The following YWHAE variants were observed in gnomAD, a reference collection of about 807,000 sequenced individuals.
YWHAE encodes tyrosine 3-monooxygenase/tryptophan 5-monooxygenase activation protein epsilon.
In YWHAE, 4 loss-of-function variants were observed where a neutral mutation model predicts 30.1. The observed-to-expected ratio is 0.13, with a 90% confidence interval of 0.07 to 0.30. The LOEUF is 0.30. Among genes scored for constraint, YWHAE ranks in the 10% least tolerant of loss-of-function variants. The pLI, the probability that YWHAE is intolerant of heterozygous loss-of-function variation, is 1.00. For missense variants in YWHAE, 121 were observed against 315.9 expected (o/e 0.38, Z 4.68); for synonymous variants, 118 against 111.8 (o/e 1.06, Z -0.35).
chr17:1,371,215 T>C (rs1004728931), intron 1 of YWHAE, among the ~76,000 whole-genome samples: 2 of 151,210 alleles, frequency 1.3e-5, no homozygotes, highest in Non-Finnish European at 2.9e-5. Context: ...CCTGAGTAGC[T>C]GGGACTACAG....
intron 1 of YWHAE, among the ~76,000 whole-genome samples, chr17:1,391,312 C>A (rs1445838513): frequency 1.3e-5 from 2 of 152,068 alleles, no homozygotes; most frequent in African/African-American, 4.8e-5. Flanking sequence ...ATTCAACCTC[C>A]TAGAGACGTA....
intron 1 of YWHAE, among the ~76,000 whole-genome samples, chr17:1,368,542 C>T (rs551568556): frequency 2.2e-5 from 3 of 138,304 alleles, no homozygotes; most frequent in South Asian, 2.4e-4. Flanking sequence ...CCAGCCTAGG[C>T]GACAGAGTGA....
At chr17:1,398,341 C>CA (rs75078124) in intron 1 of YWHAE, among the ~76,000 whole-genome samples, 1 of 148,500 alleles carries the variant, frequency 6.7e-6, no homozygotes, top group Non-Finnish European at 1.5e-5. Flanking sequence ...TTATCCCCCC[C>CA]CCCAACAGGA....
chr17:1,367,511 T>C (rs907174745), intron 1 of YWHAE, among the ~76,000 whole-genome samples: 35 of 152,170 alleles, frequency 2.3e-4, no homozygotes, highest in African/African-American at 8.0e-4. Context: ...AGAGAACTGC[T>C]TGACCCCAGG....
At chr17:1,370,101 C>T (rs887696545) in intron 1 of YWHAE, among the ~76,000 whole-genome samples, 1 of 145,384 alleles carries the variant, frequency 6.9e-6, no homozygotes, top group Admixed American at 7.0e-5. Flanking sequence ...TGTTGGACAG[C>T]ATTTACCCAC....
intron 1 of YWHAE, among the ~76,000 whole-genome samples, chr17:1,380,572 A>C (rs542281091): frequency 5.9e-5 from 9 of 152,294 alleles, no homozygotes; most frequent in Admixed American, 1.3e-4. Flanking sequence ...AATTCAATTA[A>C]ATGTTTAATT....
intron 1 of YWHAE, among the ~76,000 whole-genome samples, chr17:1,368,574 A>G (rs2150857037): frequency 6.6e-6 from 1 of 152,012 alleles, no homozygotes; most frequent in Admixed American, 6.6e-5. Flanking sequence ...AAAAAAAAAA[A>G]AAAAAAAGTA....
chr17:1,390,707 GCAT>G (rs1435177646), intron 1 of YWHAE, among the ~76,000 whole-genome samples: 1 of 152,152 alleles, frequency 6.6e-6, no homozygotes, highest in South Asian at 2.1e-4. Context: ...TTACAGTAAT[GCAT>G]CTCCTTCAAA....
chr17:1,360,004 C>A (rs550453445), intron 4 of YWHAE, among the ~76,000 whole-genome samples: 3 of 151,072 alleles, frequency 2.0e-5, no homozygotes, highest in African/African-American at 7.3e-5. Flanking sequence ...ACTGTGTCAC[C>A]CAGGCTACAG....
intron 5 of YWHAE, among the ~76,000 whole-genome samples, chr17:1,353,687 C>A (rs776192233): frequency 1.5e-4 from 22 of 151,622 alleles, no homozygotes; most frequent in Admixed American, 2.6e-4. Context: ...TCGCTTGAAC[C>A]CGGGAGGCAG....
At chr17:1,373,699 A>C (rs532089286) in intron 1 of YWHAE, among the ~76,000 whole-genome samples, 3 of 152,124 alleles carry the variant, frequency 2.0e-5, no homozygotes, top group African/African-American at 7.2e-5. Flanking sequence ...GAAATACTGC[A>C]CAAGGTACCA....
chr17:1,373,661 T>C (rs374394469), intron 1 of YWHAE, among the ~76,000 whole-genome samples: 1 of 149,008 alleles, frequency 6.7e-6, no homozygotes, highest in Non-Finnish European at 1.5e-5. Context: ...GAGTGAGACT[T>C]CATCTCAAAA....
At chr17:1,367,249 AG>A (rs906908514) in intron 1 of YWHAE, among the ~76,000 whole-genome samples, 8 of 152,186 alleles carry the variant, frequency 5.3e-5, no homozygotes, top group Non-Finnish European at 7.3e-5. Flanking sequence ...GTGCATCCAG[AG>A]GGGAAATGTA....
chr17:1,388,612 A>G (rs971187767), intron 1 of YWHAE, among the ~76,000 whole-genome samples: 3 of 148,190 alleles, frequency 2.0e-5, no homozygotes, highest in East Asian at 3.9e-4. Flanking sequence ...GAGTCTTGCA[A>G]TGTTGCCCAG....
intron 4 of YWHAE, among the ~76,000 whole-genome samples, chr17:1,354,964 G>GTTTTTTTTTTT (rs56351171): frequency 1.3e-5 from 1 of 74,716 alleles, no homozygotes; most frequent in Non-Finnish European, 2.7e-5. Context: ...GCCCAGCCTA[G>GTTTTTTTTTTT]TTTTTTTTTT....
At chr17:1,355,250 G>A (rs2072721065) in intron 4 of YWHAE, among the ~76,000 whole-genome samples, 1 of 139,642 alleles carries the variant, frequency 7.2e-6, no homozygotes, top group Non-Finnish European at 1.5e-5. Flanking sequence ...TCCGCCTCCT[G>A]GGTTCACACC....
intron 4 of YWHAE, among the ~76,000 whole-genome samples, chr17:1,358,321 G>A (rs1037165810): frequency 1.3e-5 from 2 of 152,032 alleles, no homozygotes; most frequent in South Asian, 2.1e-4. Flanking sequence ...CTCACTGCAA[G>A]TTCCGCCTCC....
intron 1 of YWHAE, among the ~76,000 whole-genome samples, chr17:1,374,762 A>G (rs2073098900): frequency 1.3e-5 from 2 of 152,164 alleles, no homozygotes; most frequent in South Asian, 2.1e-4. Flanking sequence ...ACTTTGCCAA[A>G]TATTTAATTA....
chr17:1,394,459 A>C (rs867038979), intron 1 of YWHAE, among the ~76,000 whole-genome samples: 10 of 139,004 alleles, frequency 7.2e-5, no homozygotes, highest in Admixed American at 1.5e-4. Context: ...AAAAAAAAAA[A>C]AACACAAAAA....
Sources: allele counts gnomAD v4.1 joint callset (sites outside exome capture counted in the v4.1 genomes callset), GRCh38; gene constraint gnomAD v4.1.1; transcripts MANE v1.5; gene names NCBI Gene and HGNC (gene_info 2026-07-23, HGNC 2026-07-21).